Variants in FNIP1 observed in about 807,000 individuals in gnomAD.
FNIP1 encodes folliculin-interacting protein 1.
A neutral mutation model predicts 124.5 loss-of-function variants in FNIP1; 40 were observed. That is an observed-to-expected ratio of 0.32 (90% confidence interval 0.25 to 0.42). FNIP1 has a LOEUF of 0.42. FNIP1 is among the 10% of genes least tolerant of loss of function. The pLI, the probability that FNIP1 is intolerant of heterozygous loss-of-function variation, is 1.00. For missense variants in FNIP1, 1,176 were observed against 1,403.7 expected, an observed-to-expected ratio of 0.84 and a Z score of 2.59; for synonymous variants, 472 against 470.6, an observed-to-expected ratio of 1.00 and a Z score of -0.04.
intron 9 of FNIP1, 75 bp downstream of exon 9, chr5:131,706,336 G>T: frequency 7.1e-7 from 1 of 1,404,786 alleles, no homozygotes; most frequent in Non-Finnish European, 9.5e-7. Flanking sequence ...TACAAGTCCA[G>T]GTTCTAAAAA....
intron 15 of FNIP1, among the ~76,000 whole-genome samples, chr5:131,654,908 T>C (rs1479763299): frequency 2.6e-5 from 4 of 152,224 alleles, no homozygotes; most frequent in Non-Finnish European, 4.4e-5. Flanking sequence ...TTTATATTTG[T>C]TTTTTATAAA....
Position 131,696,717 on chromosome 5 carries a change from G to A in FNIP1, c.1202+2200C>T, listed in dbSNP as rs192949345. Among the ~76,000 whole-genome samples, 1,144 of 152,118 alleles carry A rather than the reference G, an allele frequency of 7.5e-3. 3 individuals carry two copies. The highest frequency in any genetic ancestry group is 0.011 in the Non-Finnish European group (719 of 67,966). ...TGGCAGAAATATCATCTCAAATACAGTTTTTGCCTGTACAAATTATTTCTA... is the reference window on the plus strand; with the variant it reads ...TGGCAGAAATATCATCTCAAATACAATTTTTGCCTGTACAAATTATTTCTA... On this transcript the variant is annotated intron_variant, in intron 11 of 17. Coordinates refer to ENST00000510461, the MANE Select transcript of FNIP1 (RefSeq NM_133372.3).
intron 3 of FNIP1, among the ~76,000 whole-genome samples, chr5:131,727,303 A>G (rs1027534748): frequency 6.6e-6 from 1 of 152,090 alleles, no homozygotes; most frequent in African/African-American, 2.4e-5. Context: ...GTAGGTCTTT[A>G]AGAACTTGCT....
intron 11 of FNIP1, among the ~76,000 whole-genome samples, chr5:131,686,618 T>C (rs1179580052): frequency 3.3e-5 from 5 of 152,216 alleles, no homozygotes; most frequent in Non-Finnish European, 7.3e-5. Context: ...GTAATAATCA[T>C]ATCAGGATAA....
In FNIP1 at chr5:131,672,614, A is replaced by G; in HGVS notation, c.1830T>C (p.Cys610=). The G allele has an allele frequency of 6.2e-7, 1 of 1,614,156 alleles. No individual in the cohort carries two copies. Among genetic ancestry groups the G allele is most frequent in the Non-Finnish European group, 8.5e-7 (1 of 1,180,008 alleles). Residue 610 remains cysteine, a synonymous_variant, in exon 14 of 18, where the codon TGT becomes TGC. Coordinates refer to ENST00000510461, the MANE Select transcript of FNIP1 (RefSeq NM_133372.3). ...SEEIRTPNCN[C]KYCSHPLLGQ... ...CAAGGAGTGGATGACTGCAATATTT[A>G]CAGTTACAATTGGGAGTTCTAATTT...
In FNIP1 at chr5:131,679,921, C is replaced by T. The variant is rs115991789; in HGVS notation, c.1203-746G>A. Among the ~76,000 whole-genome samples, 908 of 152,308 alleles carry T rather than the reference C, an allele frequency of 6.0e-3. 6 individuals are homozygous for T. The highest frequency in any genetic ancestry group is 0.021 in the African/African-American group (870 of 41,556). Reference sequence around the variant, plus strand: ...TATTTAACAAAGCCCTATACATTTACTAGACTAAGCAACTCCTGCAAAAGC... The same window carrying T: ...TATTTAACAAAGCCCTATACATTTATTAGACTAAGCAACTCCTGCAAAAGC... On this transcript the variant is annotated intron_variant, in intron 11 of 17. Transcript: ENST00000510461.
rs3033727 is a variant in FNIP1 at position 131,699,916 on chromosome 5, C to CAAAAA, written c.1117-919_1117-915dup. Among the ~76,000 whole-genome samples, 77 of 93,650 alleles carry CAAAAA rather than the reference C, an allele frequency of 8.2e-4. 3 individuals carry two copies. The highest frequency in any genetic ancestry group is 6.0e-3 in the South Asian group (10 of 1,656). 61.4% of individuals were successfully genotyped at this position (93,650 alleles called of 152,430 possible). A position where few individuals can be genotyped will look rare whatever the true frequency, so the allele number is the denominator to read the frequency against. On this transcript the variant is annotated intron_variant, in intron 10 of 17. Transcript: ENST00000510461. ...CCTGGGTGATGGAGTAAGACTGTTT[C>CAAAAA]AAAAAAAAAAAAAAAAAAAAAGGGA...
At chr5:131,737,687 T>A (rs1770360836) in intron 2 of FNIP1, among the ~76,000 whole-genome samples, 1 of 152,222 alleles carries the variant, frequency 6.6e-6, no homozygotes, top group Non-Finnish European at 1.5e-5. Context: ...ATTTACTCTT[T>A]ACATGTAAAG....
intron 1 of FNIP1, among the ~76,000 whole-genome samples, chr5:131,761,944 C>A (rs1446292750): frequency 6.6e-6 from 1 of 152,000 alleles, no homozygotes; most frequent in Non-Finnish European, 1.5e-5. Flanking sequence ...AATACAGAAC[C>A]CAGAAACAAA....
Position 131,641,937 on chromosome 5 carries a change from T to A in FNIP1, c.*2748A>T, listed in dbSNP as rs911935926. On this transcript the variant is annotated 3_prime_UTR_variant, in exon 18 of 18. Transcript: ENST00000510461. ...AGTGATCATCCCCAGAGTATGCCAA[T>A]TGGAACAAAACAAAATCTGTACTAG... The A allele has an allele frequency of 3.9e-5, 6 of 152,694 alleles. No homozygotes were observed. Among genetic ancestry groups the A allele is most frequent in the African/African-American group, 1.4e-4 (6 of 41,418 alleles). The allele number at this position is 152,694 out of a possible 1,614,324, so 9.5% of individuals were successfully genotyped here. A position where few individuals can be genotyped will look rare whatever the true frequency, so the allele number is the denominator to read the frequency against.
intron 11 of FNIP1, among the ~76,000 whole-genome samples, chr5:131,687,258 A>C (rs1168597582): frequency 6.6e-6 from 1 of 151,994 alleles, no homozygotes; most frequent in East Asian, 1.9e-4. Flanking sequence ...GGCATGCACC[A>C]CCAATCCTGG....
intron 6 of FNIP1, among the ~76,000 whole-genome samples, chr5:131,712,412 G>T (rs936044789): frequency 1.1e-4 from 16 of 151,738 alleles, no homozygotes; most frequent in African/African-American, 3.9e-4. Flanking sequence ...GGACCCGTTG[G>T]GTCCCCGAGA....
At chr5:131,752,292 C>T (rs1448518729) in intron 1 of FNIP1, among the ~76,000 whole-genome samples, 1 of 152,124 alleles carries the variant, frequency 6.6e-6, no homozygotes, top group Non-Finnish European at 1.5e-5. Context: ...ATCTGCCTGC[C>T]TCGGCCTCCC....
chr5:131,661,986 A>C (rs1185334827), intron 15 of FNIP1, among the ~76,000 whole-genome samples: 1 of 152,180 alleles, frequency 6.6e-6, no homozygotes, highest in Non-Finnish European at 1.5e-5. Flanking sequence ...GCTTCCCTCT[A>C]ATCTTGTTTT....
intron 1 of FNIP1, among the ~76,000 whole-genome samples, chr5:131,753,927 C>T (rs1770963039): frequency 6.6e-6 from 1 of 152,104 alleles, no homozygotes; most frequent in Non-Finnish European, 1.5e-5. Context: ...AATTCTCCTG[C>T]CTCAGCCTCC....
At chr5:131,782,562 C>G (rs1296551940) in intron 1 of FNIP1, among the ~76,000 whole-genome samples, 1 of 141,602 alleles carries the variant, frequency 7.1e-6, no homozygotes, top group Non-Finnish European at 1.5e-5. Context: ...TAGACTCTGT[C>G]TCAATGAAGA....
At chr5:131,737,290 T>G (rs1477719667) in intron 2 of FNIP1, among the ~76,000 whole-genome samples, 1 of 151,984 alleles carries the variant, frequency 6.6e-6, no homozygotes, top group Non-Finnish European at 1.5e-5. Flanking sequence ...TGGGAGGGAG[T>G]AGAGAAACAA....
At chr5:131,690,582 A>G (rs1045417392) in intron 11 of FNIP1, among the ~76,000 whole-genome samples, 1 of 151,934 alleles carries the variant, frequency 6.6e-6, no homozygotes, top group Non-Finnish European at 1.5e-5. Flanking sequence ...TCCTCTTCAC[A>G]CTCCGCCATA....
chr5:131,715,667 C>G (rs1769443867), intron 6 of FNIP1, among the ~76,000 whole-genome samples: 1 of 152,076 alleles, frequency 6.6e-6, no homozygotes, highest in Non-Finnish European at 1.5e-5. Context: ...TTCTATTTTT[C>G]TATAACACAC....
Sources: gnomAD v4.1 joint callset for allele counts (sites outside exome capture counted in the v4.1 genomes callset) on GRCh38, gnomAD v4.1.1 for gene constraint, MANE v1.5 for transcripts, NCBI Gene and HGNC (gene_info 2026-07-23, HGNC 2026-07-21) for gene names.